Variants in CNOT2 observed in about 807,000 individuals in gnomAD.
The protein encoded by CNOT2 is CCR4-NOT transcription complex subunit 2.
In CNOT2, 7 loss-of-function variants were observed where a neutral mutation model predicts 72.1. That is an observed-to-expected ratio of 0.10 (90% confidence interval 0.06 to 0.18). The LOEUF (loss-of-function observed/expected upper bound fraction) is 0.18, where lower values mean the gene tolerates loss of function less well. Ranked by LOEUF, CNOT2 falls within the 10% of genes least tolerant of loss-of-function variation. The probability of loss-of-function intolerance (pLI) is 1.00; values close to 1 mark genes in which losing one functional copy is unlikely to be tolerated. For synonymous variants in CNOT2, 196 were observed against 225.6 expected, an observed-to-expected ratio of 0.87 and a Z score of 1.17; for missense variants, 345 against 660.3, an observed-to-expected ratio of 0.52 and a Z score of 5.23.
intron 2 of CNOT2, among the ~76,000 whole-genome samples, chr12:70,285,050 T>G (rs905712997): frequency 8.5e-5 from 13 of 152,234 alleles, no homozygotes; most frequent in African/African-American, 3.1e-4. Flanking sequence ...AAATATGAAG[T>G]GTTCTCTTTC....
intron 4 of CNOT2, among the ~76,000 whole-genome samples, chr12:70,324,865 A>G (rs1205437329): frequency 6.6e-6 from 1 of 151,798 alleles, no homozygotes; most frequent in Non-Finnish European, 1.5e-5. Context: ...ATTTATACCC[A>G]CCTGACTCCC....
chr12:70,353,074 C>T (rs201711048), intron 15 of CNOT2, among the ~76,000 whole-genome samples: 3 of 143,434 alleles, frequency 2.1e-5, no homozygotes, highest in Non-Finnish European at 3.1e-5. Flanking sequence ...TATGTGTTTT[C>T]CTTTTTTTTT....
chr12:70,335,654 G>T, intron 8 of CNOT2, 91 bp downstream of exon 8: 5 of 929,656 alleles, frequency 5.4e-6, no homozygotes, highest in South Asian at 1.5e-5. Context: ...ATATGCTTGT[G>T]TGTGTACACA....
chr12:70,310,825 A>T, intron 2 of CNOT2, 70 bp from the exon 3 acceptor site: 2 of 1,357,982 alleles, frequency 1.5e-6, no homozygotes, highest in Non-Finnish European at 1.0e-6. Flanking sequence ...TCTGTTTTCC[A>T]CATAGGAGTA....
chr12:70,257,703 A>G (rs1958530027), intron 1 of CNOT2, among the ~76,000 whole-genome samples: 1 of 151,976 alleles, frequency 6.6e-6, no homozygotes, highest in Admixed American at 6.6e-5. Flanking sequence ...CTTCTTCCCT[A>G]GCATCTATTG....
chr12:70,310,281 A>G (rs998282068), intron 2 of CNOT2, among the ~76,000 whole-genome samples: 1 of 152,098 alleles, frequency 6.6e-6, no homozygotes, highest in Admixed American at 6.6e-5. Flanking sequence ...GTTGGATGTT[A>G]CAAAGACTGG....
In CNOT2 at chr12:70,344,226, G is replaced by A; in HGVS notation, c.1389G>A (p.Glu463=). 1 of 1,582,384 alleles carries A rather than the reference G, an allele frequency of 6.3e-7. No individual in the cohort carries two copies. Among genetic ancestry groups the A allele is most frequent in the South Asian group, 1.1e-5 (1 of 90,308 alleles). ...GDVLQLLAAV[E]LFNRDWRYHK... ...TATTACAACTTTTAGCTGCAGTGGA[G>A]CTGTATGTTCAAAGTATTTTAATCA... Residue 463 remains glutamate (E), a splice_region_variant and synonymous_variant, in exon 14 of 16, where the codon GAG becomes GAA. Transcript: ENST00000229195.
At chr12:70,298,941 G>A (rs1302552508) in intron 2 of CNOT2, among the ~76,000 whole-genome samples, 1 of 152,168 alleles carries the variant, frequency 6.6e-6, no homozygotes, top group East Asian at 1.9e-4. Flanking sequence ...GTAGAATTGA[G>A]GGGAAGAAGA....
intron 1 of CNOT2, among the ~76,000 whole-genome samples, chr12:70,251,897 G>A (rs1357407108): frequency 1.3e-5 from 2 of 152,108 alleles, no homozygotes; most frequent in Non-Finnish European, 2.9e-5. Context: ...TAATGTGTTA[G>A]GCATGAGATT....
Position 70,346,181 on chromosome 12 carries a change from T to C in CNOT2, c.1393T>C (p.Phe465Leu). 6.3e-7 allele frequency: 1 copy of C among 1,599,218 alleles called. No individual in the cohort carries two copies. Among genetic ancestry groups the C allele is most frequent in the South Asian group, 1.1e-5 (1 of 89,390 alleles). The change falls in exon 15 of 16, where the codon TTT (phenylalanine) becomes CTT (leucine). Residue 465 changes from phenylalanine to leucine, a missense_variant and splice_region_variant. Phe to Leu is a conservative substitution (Grantham distance 22). Coordinates refer to ENST00000229195, the MANE Select transcript of CNOT2 (RefSeq NM_014515.7). The stretch of plus-strand genomic sequence containing the variant: ...TATCTTTTCTTTTAAAAATTGAAGT[T>C]TTAACCGTGATTGGAGATACCACAA... ...VLQLLAAVEL[F>L]NRDWRYHKEE...
chr12:70,311,919 A>T (rs534982665), intron 3 of CNOT2, among the ~76,000 whole-genome samples: 1 of 152,016 alleles, frequency 6.6e-6, no homozygotes, highest in East Asian at 1.9e-4. Flanking sequence ...TTTGAAGTTG[A>T]TCATTAGTAA....
intron 1 of CNOT2, among the ~76,000 whole-genome samples, chr12:70,264,003 A>G (rs1312388766): frequency 6.6e-6 from 1 of 152,192 alleles, no homozygotes; most frequent in Admixed American, 6.5e-5. Flanking sequence ...TTTTTCACTT[A>G]TATATATCTG....
intron 2 of CNOT2, among the ~76,000 whole-genome samples, chr12:70,301,035 G>A (rs937808511): frequency 3.3e-5 from 5 of 152,094 alleles, no homozygotes; most frequent in African/African-American, 1.2e-4. Context: ...TGTTATTGGT[G>A]TATAAGAATG....
intron 15 of CNOT2, 125 bp from the exon 16 acceptor site, chr12:70,353,704 G>A: frequency 7.0e-7 from 1 of 1,423,524 alleles, no homozygotes; most frequent in South Asian, 1.4e-5. Flanking sequence ...AAAACAGTTG[G>A]TATATCTGTG....
At chr12:70,280,180 T>C (rs1869584056) in intron 2 of CNOT2, among the ~76,000 whole-genome samples, 1 of 152,140 alleles carries the variant, frequency 6.6e-6, no homozygotes, top group Non-Finnish European at 1.5e-5. Context: ...ACAGGAAATT[T>C]TGTTTCTATA....
chr12:70,257,848 A>G (rs1958537695), intron 1 of CNOT2, among the ~76,000 whole-genome samples: 1 of 152,342 alleles, frequency 6.6e-6, no homozygotes, highest in South Asian at 2.1e-4. Context: ...TGTTGGATGT[A>G]TGAAAAGTTA....
At chr12:70,299,998 G>GT (rs1211013158) in intron 2 of CNOT2, among the ~76,000 whole-genome samples, 3 of 152,072 alleles carry the variant, frequency 2.0e-5, no homozygotes, top group South Asian at 2.1e-4. Context: ...TTTTTCATGT[G>GT]TTTTTTTGGC....
chr12:70,309,133 G>A lies in CNOT2; in HGVS notation c.49-1762G>A, dbSNP rs901904637. Among the ~76,000 whole-genome samples the A allele has an allele frequency of 2.6e-5, 4 of 152,074 alleles. No individual in the cohort carries two copies. The South Asian group carries it at 6.2e-4, about 24-fold the overall frequency. ...TTTTCCCCCTAGTAGGGACTACTTA[G>A]GGAGCTGGTGGATAGGCATGCGGGA... On this transcript the variant is annotated intron_variant, in intron 2 of 15. Transcript: ENST00000229195.
At chr12:70,307,170 C>T (rs1037341466) in intron 2 of CNOT2, among the ~76,000 whole-genome samples, 1 of 152,122 alleles carries the variant, frequency 6.6e-6, no homozygotes, top group Non-Finnish European at 1.5e-5. Context: ...ACACTGTACA[C>T]TTAGGCTACA....
Sources: allele counts gnomAD v4.1 joint callset (sites outside exome capture counted in the v4.1 genomes callset), GRCh38; gene constraint gnomAD v4.1.1; transcripts MANE v1.5; gene names NCBI Gene and HGNC (gene_info 2026-07-23, HGNC 2026-07-21).